SCFD1: variants seen among roughly 807,000 people sequenced by gnomAD.
SCFD1 encodes sec1 family domain containing 1.
Under a neutral mutation model 103.2 loss-of-function variants are expected in SCFD1, and 37 were observed. The observed-to-expected ratio is 0.36, with a 90% CI of 0.28 to 0.47. The LOEUF (loss-of-function observed/expected upper bound fraction) is 0.47, where lower values mean the gene tolerates loss of function less well. SCFD1 is among the 20% of genes least tolerant of loss of function. The probability of loss-of-function intolerance (pLI) is 1.00; values close to 1 mark genes in which losing one functional copy is unlikely to be tolerated. For missense variants in SCFD1, 639 were observed against 761.2 expected (o/e 0.84, Z 1.89); for synonymous variants, 264 against 245.0 (o/e 1.08, Z -0.73).
chr14:30,665,224 T>TG (rs1372359252), intron 10 of SCFD1, among the ~76,000 whole-genome samples: 3 of 151,842 alleles, frequency 2.0e-5, no homozygotes, highest in South Asian at 2.1e-4. Flanking sequence ...AAGAAGAGAG[T>TG]GGGGGGCAAT....
intron 4 of SCFD1, among the ~76,000 whole-genome samples, chr14:30,636,475 T>TAAA (rs768447458): frequency 1.3e-5 from 2 of 152,124 alleles, no homozygotes; most frequent in African/African-American, 2.4e-5. Context: ...CGTAATTTAT[T>TAAA]AAAGAGACTA....
intron 9 of SCFD1, among the ~76,000 whole-genome samples, 187 bp from the exon 10 acceptor site, chr14:30,653,302 A>G (rs534575038): frequency 2.0e-5 from 3 of 152,224 alleles, no homozygotes; most frequent in African/African-American, 7.2e-5. Flanking sequence ...CCCTGTCTCA[A>G]CAAAAAGCAA....
intron 8 of SCFD1, 91 bp downstream of exon 8, chr14:30,649,674 A>G (rs944744745): frequency 1.1e-5 from 10 of 925,106 alleles, no homozygotes; most frequent in Non-Finnish European, 1.0e-5. Context: ...ATATTTAAAT[A>G]TATGATTGCT....
At chr14:30,724,271 T>C (rs113908447) in intron 23 of SCFD1, among the ~76,000 whole-genome samples, 322 of 140,792 alleles carry the variant, frequency 2.3e-3, no homozygotes, top group Non-Finnish European at 3.6e-3. Context: ...TTTTTTTTTT[T>C]TGAGACAGTC....
intron 10 of SCFD1, among the ~76,000 whole-genome samples, chr14:30,663,328 G>A (rs1887613647): frequency 6.6e-6 from 1 of 152,096 alleles, no homozygotes; most frequent in Non-Finnish European, 1.5e-5. Context: ...GTTTAAAGAT[G>A]TTTCTCTTCA....
rs186095230 is a variant in SCFD1 at position 30,730,636 on chromosome 14, G to T, written c.1837-4154G>T. ...ATGATGAGCACTTTTTCATGTGTCT[G>T]TTGGCTGCATAAATGTCTTCTTTTT... On this transcript the variant is annotated intron_variant, in intron 23 of 24. Coordinates refer to ENST00000458591, the MANE Select transcript of SCFD1 (RefSeq NM_016106.4). Among the ~76,000 whole-genome samples the T allele has an allele frequency of 3.7e-3, 567 of 152,330 alleles. 7 individuals carry two copies. The highest frequency in any genetic ancestry group is 0.013 in the African/African-American group (534 of 41,570).
At chr14:30,694,494 A>C (rs982707161) in intron 14 of SCFD1, among the ~76,000 whole-genome samples, 1 of 152,052 alleles carries the variant, frequency 6.6e-6, no homozygotes, top group Non-Finnish European at 1.5e-5. Flanking sequence ...CAACATAGCA[A>C]AACCCCATCT....
chr14:30,680,806 C>CTA (rs2139251514), intron 14 of SCFD1, among the ~76,000 whole-genome samples: 1 of 152,196 alleles, frequency 6.6e-6, no homozygotes, highest in East Asian at 1.9e-4. Flanking sequence ...AAGGGAACCT[C>CTA]TATAGTCTGT....
chr14:30,729,912 GGTTT>G (rs1893322249), intron 23 of SCFD1, among the ~76,000 whole-genome samples: 1 of 152,020 alleles, frequency 6.6e-6, no homozygotes, highest in Non-Finnish European at 1.5e-5. Context: ...ACAACGTGCA[GGTTT>G]GTTACATGTG....
At chr14:30,671,652 TA>T (rs1389411561) in intron 11 of SCFD1, among the ~76,000 whole-genome samples, 1 of 152,096 alleles carries the variant, frequency 6.6e-6, no homozygotes, top group Non-Finnish European at 1.5e-5. Context: ...CATACAATAG[TA>T]ACATGGGCAC....
intron 10 of SCFD1, among the ~76,000 whole-genome samples, chr14:30,666,586 C>T (rs1277769006): frequency 6.6e-6 from 1 of 151,908 alleles, no homozygotes; most frequent in Non-Finnish European, 1.5e-5. Flanking sequence ...CACAAAAAAC[C>T]CTTCAAAAAA....
chr14:30,649,623 G>A, intron 8 of SCFD1, 40 bp downstream of exon 8: 1 of 1,461,240 alleles, frequency 6.8e-7, no homozygotes. Flanking sequence ...AAATAACATT[G>A]TGTGAATTGT....
rs546555504 is a variant in SCFD1, at chr14:30,703,042, C to A, written c.1490+667C>A. Among the ~76,000 whole-genome samples, 4 of 150,140 alleles carry A rather than the reference C, an allele frequency of 2.7e-5. No homozygotes were observed. The East Asian group carries it at 7.8e-4, about 29-fold the overall frequency. On this transcript the variant is annotated intron_variant, in intron 17 of 24. Coordinates refer to ENST00000458591, the MANE Select transcript of SCFD1 (RefSeq NM_016106.4). Reference sequence around the variant, plus strand: ...ACTTAATGACATTGAGAAATGCTCACGTTATATTGCAAAGTAAAAAAAAAA... The same window carrying A: ...ACTTAATGACATTGAGAAATGCTCAAGTTATATTGCAAAGTAAAAAAAAAA...
chr14:30,643,867 A>C (rs1885536918), intron 7 of SCFD1: 1 of 433,902 alleles, frequency 2.3e-6, no homozygotes, highest in Admixed American at 2.6e-5. Context: ...TTTATTTTCA[A>C]CTTTTATTTT....
At chr14:30,721,096 A>T (rs1261662465) in intron 21 of SCFD1, among the ~76,000 whole-genome samples, 1 of 152,092 alleles carries the variant, frequency 6.6e-6, no homozygotes, top group Non-Finnish European at 1.5e-5. Context: ...GAACTGGAAC[A>T]CTGAAGAGGC....
At chr14:30,716,119 AG>A (rs1892263844) in intron 20 of SCFD1, 142 bp downstream of exon 20, 1 of 634,526 alleles carries the variant, frequency 1.6e-6, no homozygotes, top group African/African-American at 1.9e-5. Context: ...CATGTTCTCA[AG>A]AAGCCTTTTT....
intron 10 of SCFD1, among the ~76,000 whole-genome samples, chr14:30,655,211 A>G (rs945172236): frequency 6.6e-6 from 1 of 152,236 alleles, no homozygotes; most frequent in African/African-American, 2.4e-5. Flanking sequence ...TGATAAAATG[A>G]CATTTGAGTA....
intron 14 of SCFD1, among the ~76,000 whole-genome samples, chr14:30,693,316 G>T (rs186913540): frequency 6.6e-6 from 1 of 152,218 alleles, no homozygotes; most frequent in East Asian, 1.9e-4. Flanking sequence ...AATAATAAAA[G>T]AAAATACCTA....
At chr14:30,631,334 A>C (rs926433212) in intron 3 of SCFD1, among the ~76,000 whole-genome samples, 1 of 152,080 alleles carries the variant, frequency 6.6e-6, no homozygotes, top group Non-Finnish European at 1.5e-5. Context: ...GCCTGGGCAA[A>C]AGAGCAAGAC....
Sources: gnomAD v4.1 joint callset for allele counts (sites outside exome capture counted in the v4.1 genomes callset) on GRCh38, gnomAD v4.1.1 for gene constraint, MANE v1.5 for transcripts, NCBI Gene and HGNC (gene_info 2026-07-23, HGNC 2026-07-21) for gene names.